PUM2: variants seen among roughly 807,000 people sequenced by gnomAD.
PUM2 encodes the protein pumilio RNA binding family member 2.
PUM2 carries 57 observed loss-of-function variants against 124.5 expected under a neutral mutation model. That is an observed-to-expected ratio of 0.46 (90% confidence interval 0.37 to 0.57). The LOEUF is 0.57. Among genes scored for constraint, PUM2 ranks in the 20% least tolerant of loss-of-function variants. The probability of loss-of-function intolerance (pLI) is 0.00; values close to 1 mark genes in which losing one functional copy is unlikely to be tolerated. For synonymous variants in PUM2, 460 were observed against 446.1 expected, an observed-to-expected ratio of 1.03 and a Z score of -0.39; for missense variants, 1,065 against 1,290.6, an observed-to-expected ratio of 0.83 and a Z score of 2.68.
At chr2:20,325,864 G>A (rs752526727) in intron 2 of PUM2, among the ~76,000 whole-genome samples, 14 of 152,090 alleles carry the variant, frequency 9.2e-5, no homozygotes, top group African/African-American at 2.9e-4. Flanking sequence ...CTTGTGATCC[G>A]CCCACCTTGG....
At position 20,308,576 on chromosome 2, in the gene PUM2, G is replaced by T; in HGVS notation, c.527C>A (p.Pro176His). Residue 176 changes from proline to histidine, a missense_variant, in exon 6 of 21, where the codon CCT becomes CAT. Physicochemically the swap from Pro to His is moderately conservative, Grantham distance 77. Transcript: ENST00000361078. ...DADCKDFNRT[P>H]GSRQASPTEV... is the part of the protein sequence containing the mutation. Reference sequence around the variant, plus strand: ...AGTTGGAGAGGCTTGACGACTTCCAGGAGTACGACTACATAAAGAAAATAG... The same window carrying T: ...AGTTGGAGAGGCTTGACGACTTCCATGAGTACGACTACATAAAGAAAATAG... 1 of 1,607,504 alleles carries T rather than the reference G, an allele frequency of 6.2e-7. No individual in the cohort carries two copies. Among genetic ancestry groups the T allele is most frequent in the South Asian group, 1.1e-5 (1 of 90,132 alleles).
chr2:20,318,615 C>T lies in PUM2; in HGVS notation c.82G>A (p.Asp28Asn). ...TTTTGTCCATCTTTTGTTGAATCAT[C>T]AGGTTCCCAAAACTTTTTGGTAGGC... ...LLPTKKFWEPDDSTKDGQKGI... is the reference protein window; with the variant it reads ...LLPTKKFWEPNDSTKDGQKGI... Residue 28 changes from aspartate (D) to asparagine (N), a missense_variant, in exon 3 of 21, where the codon GAT (aspartate) becomes AAT (asparagine). Transcript: ENST00000361078. The T allele has an allele frequency of 6.2e-7, 1 of 1,613,512 alleles. No homozygotes were observed. The highest frequency in any genetic ancestry group is 8.5e-7 in the Non-Finnish European group (1 of 1,179,902).
chr2:20,332,315 G>GTA (rs1456791969), intron 1 of PUM2, among the ~76,000 whole-genome samples: 2 of 135,994 alleles, frequency 1.5e-5, no homozygotes, highest in Non-Finnish European at 3.3e-5. Context: ...GTGTGTGTGT[G>GTA]TGTGTGTTTA....
At chr2:20,350,534 C>T in intron 1 of PUM2, 63 bp downstream of exon 1, 7 of 985,708 alleles carry the variant, frequency 7.1e-6, no homozygotes, top group Non-Finnish European at 8.4e-6. Flanking sequence ...CCGCACAAAG[C>T]CTGGGGAGCC....
intron 17 of PUM2, among the ~76,000 whole-genome samples, chr2:20,255,813 TTAAAG>T (rs1210949909): frequency 2.4e-4 from 37 of 152,226 alleles, no homozygotes; most frequent in Admixed American, 2.4e-3. Context: ...CCTTTACTTC[TTAAAG>T]TAATGTGATT....
intron 1 of PUM2, among the ~76,000 whole-genome samples, chr2:20,329,633 G>A (rs1226294239): frequency 6.6e-6 from 1 of 152,148 alleles, no homozygotes; most frequent in Non-Finnish European, 1.5e-5. Flanking sequence ...CTGACTAGAA[G>A]AAGCTGGTCT....
intron 1 of PUM2, among the ~76,000 whole-genome samples, chr2:20,345,176 T>C (rs1041121462): frequency 6.6e-6 from 1 of 150,554 alleles, no homozygotes; most frequent in Non-Finnish European, 1.5e-5. Flanking sequence ...CACAACTCAC[T>C]GCAGCCTCAG....
chr2:20,254,999 T>G lies in PUM2; in HGVS notation c.2749-15A>C, dbSNP rs1664418249. The G allele has an allele frequency of 1.3e-6, 2 of 1,599,886 alleles. No homozygotes were observed. The highest frequency in any genetic ancestry group is 2.7e-5 in the African/African-American group (2 of 74,180). ...CCATACTGATCCTAAGACAGATATT[T>G]AAAAATTACTTTCCCTAAGTCATTC... On this transcript the variant is annotated splice_polypyrimidine_tract_variant and intron_variant, in intron 18 of 20. Coordinates refer to ENST00000361078, the MANE Select transcript of PUM2 (RefSeq NM_015317.5).
At chr2:20,311,243 G>GT (rs1297678378) in intron 5 of PUM2, among the ~76,000 whole-genome samples, 4 of 151,998 alleles carry the variant, frequency 2.6e-5, no homozygotes, top group African/African-American at 7.2e-5. Flanking sequence ...TACCAGAAAA[G>GT]TAAGCACAGC....
At chr2:20,274,053 C>T (rs1023649570) in intron 13 of PUM2, among the ~76,000 whole-genome samples, 1 of 152,094 alleles carries the variant, frequency 6.6e-6, no homozygotes, top group African/African-American at 2.4e-5. Flanking sequence ...AATAGTATCA[C>T]GAGTCAGAAC....
intron 2 of PUM2, among the ~76,000 whole-genome samples, chr2:20,319,563 A>G (rs2148731917): frequency 6.6e-6 from 1 of 152,316 alleles, no homozygotes; most frequent in Non-Finnish European, 1.5e-5. Context: ...GCTCACCTTT[A>G]GAGAGCTCAC....
chr2:20,341,321 TAAA>T (rs1332946546), intron 1 of PUM2, among the ~76,000 whole-genome samples: 1 of 152,046 alleles, frequency 6.6e-6, no homozygotes, highest in Admixed American at 6.5e-5. Context: ...GGTACAAAAT[TAAA>T]AAAATAAGCC....
intron 3 of PUM2, 71 bp from the exon 4 acceptor site, chr2:20,312,494 A>G: frequency 7.4e-7 from 1 of 1,354,280 alleles, no homozygotes; most frequent in Non-Finnish European, 1.0e-6. Context: ...AAATTAATAT[A>G]CTGAAGTAAG....
At chr2:20,342,139 A>AT (rs1687349833) in intron 1 of PUM2, among the ~76,000 whole-genome samples, 1 of 151,884 alleles carries the variant, frequency 6.6e-6, no homozygotes, top group South Asian at 2.1e-4. Flanking sequence ...AAAAAAAAAA[A>AT]AAAAAGAAAG....
chr2:20,335,863 T>C (rs1685886417), intron 1 of PUM2, among the ~76,000 whole-genome samples: 1 of 152,370 alleles, frequency 6.6e-6, no homozygotes, highest in Non-Finnish European at 1.5e-5. Flanking sequence ...CAAATCTATA[T>C]ATGTGCAAAC....
intron 16 of PUM2, among the ~76,000 whole-genome samples, chr2:20,256,979 G>A (rs1404954415): frequency 7.0e-6 from 1 of 143,626 alleles, no homozygotes; most frequent in East Asian, 2.2e-4. Flanking sequence ...GGGAGGCGGA[G>A]GTTGCAGTGA....
chr2:20,268,454 G>GT (rs1449493430), intron 13 of PUM2, among the ~76,000 whole-genome samples: 1 of 151,948 alleles, frequency 6.6e-6, no homozygotes, highest in East Asian at 1.9e-4. Context: ...TCCACTATAT[G>GT]TATGTGTAAA....
chr2:20,312,255 C>G lies in PUM2; in HGVS notation c.329G>C (p.Arg110Pro), dbSNP rs139677788. Reference sequence around the variant, plus strand: ...ACTTACAAAATTTCCCTTCCTAAATCGAGAATCCAATTTATCAGCAGGAGA... The same window carrying G: ...ACTTACAAAATTTCCCTTCCTAAATGGAGAATCCAATTTATCAGCAGGAGA... ...SSSPADKLDS[R>P]FRKGNFGTRD... The change falls in exon 4 of 21, where the codon CGA becomes CCA. Residue 110 changes from arginine to proline, a missense_variant. Around this residue, in one of 3 missense-constraint regions of PUM2, gnomAD observed 968 missense variants for 1,159.8 expected, o/e 0.83. Coordinates refer to ENST00000361078, the MANE Select transcript of PUM2 (RefSeq NM_015317.5). 1 of 1,604,556 alleles carries G rather than the reference C, an allele frequency of 6.2e-7. No homozygotes were observed. Among genetic ancestry groups the G allele is most frequent in the East Asian group, 2.2e-5 (1 of 44,738 alleles).
chr2:20,321,988 A>T (rs921714872), intron 2 of PUM2, among the ~76,000 whole-genome samples: 1 of 149,964 alleles, frequency 6.7e-6, no homozygotes, highest in Non-Finnish European at 1.5e-5. Flanking sequence ...ATCAAAAAAA[A>T]AAATAAAATA....
Sources: allele counts gnomAD v4.1 joint callset (sites outside exome capture counted in the v4.1 genomes callset), GRCh38; gene constraint gnomAD v4.1.1; regional missense constraint gnomAD v4.1.1; transcripts MANE v1.5; gene names NCBI Gene and HGNC (gene_info 2026-07-23, HGNC 2026-07-21).